The following TSNARE1 variants were observed in gnomAD, a reference collection of about 807,000 sequenced individuals.
TSNARE1 encodes the protein t-SNARE domain-containing protein 1.
A neutral mutation model predicts 62.0 loss-of-function variants in TSNARE1; 49 were observed. The ratio of observed to expected loss-of-function variants is 0.79; its 90% CI spans 0.63 to 1.00. The LOEUF (loss-of-function observed/expected upper bound fraction) is 1.00, where lower values mean the gene tolerates loss of function less well. Among genes scored for constraint, TSNARE1 ranks in the 50% least tolerant of loss-of-function variants. The pLI is 0.00. For synonymous variants in TSNARE1, 328 were observed against 294.4 expected (o/e 1.11, Z -1.17); for missense variants, 755 against 700.1 (o/e 1.08, Z -0.88).
chr8:142,311,585 C>T (rs1360783642), intron 9 of TSNARE1, among the ~76,000 whole-genome samples: 1 of 152,090 alleles, frequency 6.6e-6, no homozygotes, highest in African/African-American at 2.4e-5. Context: ...CATGAGCCAC[C>T]ACGCCTGGCA....
In TSNARE1 at chr8:142,319,189, G is replaced by A. The variant is rs531644558; in HGVS notation, c.894-555C>T. Among the ~76,000 whole-genome samples the A allele has an allele frequency of 2.0e-4, 31 of 152,114 alleles. No homozygotes were observed. The highest frequency in any genetic ancestry group is 3.4e-3 in the Middle Eastern group (1 of 294). On this transcript the variant is annotated intron_variant, in intron 6 of 13. Coordinates refer to ENST00000524325, the MANE Select transcript of TSNARE1 (RefSeq NM_145003.5). The surrounding 1 kb of genome is among the most constrained non-coding windows in gnomAD (Gnocchi z 4.9). ...CCACCCCCAAATACCCCACAGACAG[G>A]AGGCTGAGCCACGAGCCCTCCCTGC...
chr8:142,272,728 G>A, intron 12 of TSNARE1: 1 of 960,654 alleles, frequency 1.0e-6, no homozygotes, highest in Non-Finnish European at 1.2e-6. Context: ...ACACCGTGGG[G>A]AGGGCCCCTT....
At position 142,275,641 on chromosome 8, in the gene TSNARE1, G is replaced by A. The variant is rs115121158; in HGVS notation, c.1364-778C>T. ...TGCAAACACGAGCAAACACGAGCAC[G>A]GGCAAGCCTTCTTCCCGGAGGGAGG... is the stretch of plus-strand genomic sequence containing the variant. On this transcript the variant is annotated intron_variant, in intron 11 of 13. Transcript: ENST00000524325. 7.7e-4 allele frequency: 759 copies of A among 985,430 alleles called. 4 individuals carry two copies. The African/African-American group carries it at 0.011, about 14-fold the overall frequency. 61.0% of individuals were successfully genotyped at this position (985,430 alleles called of 1,614,324 possible).
chr8:142,330,747 CGT>C (rs143799915), intron 6 of TSNARE1, among the ~76,000 whole-genome samples, 152 bp downstream of exon 6: 4,749 of 152,294 alleles, frequency 0.031, 269 homozygotes, highest in African/African-American at 0.11. Context: ...TATCCGCAGG[CGT>C]GTGTGCATAT....
rs749267041 is a variant in TSNARE1 at position 142,344,137 on chromosome 8, G to T, written c.574C>A (p.Arg192=). The T allele has an allele frequency of 1.2e-6, 2 of 1,612,812 alleles. No individual in the cohort carries two copies. Among genetic ancestry groups the T allele is most frequent in the Non-Finnish European group, 1.7e-6 (2 of 1,179,754 alleles). ...VDLKHKWRDL[R]AVVRRKLGDL... is the part of the protein sequence containing the mutation. The stretch of plus-strand genomic sequence containing the variant: ...CCCAGCTTGCGCCGCACGACGGCTC[G>T]TAGGTCCCGCCACTTGTGCTTCAGG... The change falls in exon 4 of 14, where the codon CGA becomes AGA. Residue 192 remains arginine (R), a synonymous_variant. Transcript: ENST00000524325.
intron 11 of TSNARE1, chr8:142,275,161 G>A: frequency 4.1e-6 from 4 of 985,420 alleles, no homozygotes; most frequent in Non-Finnish European, 4.8e-6. Context: ...GGCAGGCGGA[G>A]GTGAGGGCTG....
chr8:142,375,114 T>C (rs1244027646), intron 1 of TSNARE1, among the ~76,000 whole-genome samples: 1 of 152,214 alleles, frequency 6.6e-6, no homozygotes, highest in African/African-American at 2.4e-5. Flanking sequence ...GGTGGCCCCA[T>C]TGGTCACAGT....
chr8:142,248,880 G>C (rs1490309931), intron 12 of TSNARE1, among the ~76,000 whole-genome samples: 1 of 152,242 alleles, frequency 6.6e-6, no homozygotes, highest in Non-Finnish European at 1.5e-5. Context: ...GGGGGCAGCT[G>C]AGGGCCTCGC....
At chr8:142,217,193 G>A (rs1199156734) in intron 13 of TSNARE1, among the ~76,000 whole-genome samples, 4 of 151,584 alleles carry the variant, frequency 2.6e-5, no homozygotes, top group African/African-American at 7.3e-5. Context: ...GCAGTGAGCC[G>A]AGATAGGGCC....
intron 12 of TSNARE1, among the ~76,000 whole-genome samples, chr8:142,244,715 T>C (rs751606514): frequency 1.4e-4 from 21 of 152,196 alleles, no homozygotes; most frequent in Non-Finnish European, 2.5e-4. Flanking sequence ...CATCGTTCCA[T>C]ACGGAAGAGT....
At chr8:142,223,015 C>T (rs1205798758) in intron 13 of TSNARE1, among the ~76,000 whole-genome samples, 25 of 28,328 alleles carry the variant, frequency 8.8e-4, no homozygotes, top group African/African-American at 2.6e-3. Context: ...CATTTACTCA[C>T]TCACTCAGCC....
upstream of TSNARE1, chr8:142,406,263 T>G (rs4301486): frequency 0.82 from 125,012 of 152,350 alleles, 51,357 homozygotes; most frequent in Middle Eastern, 0.86. Context: ...CCTTTATGGG[T>G]CTGCCTCATT....
At chr8:142,258,171 C>T (rs1818682026) in intron 12 of TSNARE1, among the ~76,000 whole-genome samples, 1 of 152,218 alleles carries the variant, frequency 6.6e-6, no homozygotes, top group African/African-American at 2.4e-5. Context: ...GCTGTATGCA[C>T]ACACAGATGC....
intron 1 of TSNARE1, among the ~76,000 whole-genome samples, chr8:142,396,343 C>T (rs894966495): frequency 2.6e-5 from 4 of 152,154 alleles, no homozygotes; most frequent in African/African-American, 9.7e-5. Context: ...GGGGCTCACA[C>T]CACCCCGACC....
At position 142,315,020 on chromosome 8, in the gene TSNARE1, A is replaced by T. The variant is rs1370183848; in HGVS notation, c.1057T>A (p.Tyr353Asn). 1 of 1,614,026 alleles carries T rather than the reference A, an allele frequency of 6.2e-7. No individual in the cohort carries two copies. The highest frequency in any genetic ancestry group is 2.2e-5 in the East Asian group (1 of 44,868). The change falls in exon 8 of 14, where the codon TAT becomes AAT. Residue 353 changes from tyrosine to asparagine, a missense_variant. Tyr to Asn is a moderately radical substitution (Grantham distance 143, BLOSUM62 -2). Coordinates refer to ENST00000524325, the MANE Select transcript of TSNARE1 (RefSeq NM_145003.5). Reference protein sequence around the residue: ...KTQLSDAIQCYGVVQKKIAEK... With the variant: ...KTQLSDAIQCNGVVQKKIAEK... ...CACCTCACCTTCTGCACCACTCCATAGCACTGAATGGCATCTGAGAGCTGG... is the reference window on the plus strand; with the variant it reads ...CACCTCACCTTCTGCACCACTCCATTGCACTGAATGGCATCTGAGAGCTGG...
chr8:142,399,775 CA>C (rs1167220309), intron 1 of TSNARE1, among the ~76,000 whole-genome samples: 1 of 152,138 alleles, frequency 6.6e-6, no homozygotes, highest in East Asian at 1.9e-4. Flanking sequence ...GGACGATGCA[CA>C]AATCAGACTT....
chr8:142,377,320 C>T (rs892858010), intron 1 of TSNARE1, among the ~76,000 whole-genome samples: 3 of 151,904 alleles, frequency 2.0e-5, no homozygotes, highest in Non-Finnish European at 4.4e-5. Context: ...CAACGTTATC[C>T]ACACACACGA....
intron 13 of TSNARE1, among the ~76,000 whole-genome samples, chr8:142,220,022 G>A (rs975135605): frequency 2.6e-5 from 4 of 152,204 alleles, no homozygotes; most frequent in African/African-American, 4.8e-5. Context: ...CTGCTGGCCC[G>A]AGGGCCATGT....
At chr8:142,294,410 T>C (rs1242156646) in intron 10 of TSNARE1, among the ~76,000 whole-genome samples, 3 of 152,190 alleles carry the variant, frequency 2.0e-5, no homozygotes, top group Non-Finnish European at 4.4e-5. Flanking sequence ...GCAGTCACTA[T>C]CTCAAGGGCC....
Sources: allele counts gnomAD v4.1 joint callset (sites outside exome capture counted in the v4.1 genomes callset), GRCh38; gene constraint gnomAD v4.1.1; non-coding constraint Gnocchi (gnomAD v3.1); transcripts MANE v1.5; gene names NCBI Gene and HGNC (gene_info 2026-07-23, HGNC 2026-07-21).